The following GPLD1 variants were observed in gnomAD, a reference collection of about 807,000 sequenced individuals.
GPLD1 encodes the protein phosphatidylinositol-glycan-specific phospholipase D.
Under a neutral mutation model 112.6 loss-of-function variants are expected in GPLD1, and 84 were observed. The observed-to-expected ratio is 0.75, with a 90% CI of 0.63 to 0.89. The LOEUF (loss-of-function observed/expected upper bound fraction) is 0.89. GPLD1 is among the 40% of genes least tolerant of loss of function. GPLD1 has a pLI of 0.00. For missense variants in GPLD1, 1,044 were observed against 1,051.5 expected, an observed-to-expected ratio of 0.99 and a Z score of 0.10; for synonymous variants, 386 against 403.8, an observed-to-expected ratio of 0.96 and a Z score of 0.53.
intron 3 of GPLD1, among the ~76,000 whole-genome samples, chr6:24,478,811 C>T (rs142301031): frequency 5.1e-4 from 78 of 152,244 alleles, no homozygotes; most frequent in African/African-American, 1.7e-3. Flanking sequence ...CTATCTTTTG[C>T]AATTCCTCGC....
intron 20 of GPLD1, among the ~76,000 whole-genome samples, chr6:24,441,565 T>C (rs555186892): frequency 3.0e-4 from 45 of 152,268 alleles, no homozygotes; most frequent in African/African-American, 1.0e-3. Flanking sequence ...CAGGGATGGT[T>C]GTGATAAAAA....
chr6:24,452,267 G>A (rs762950133), intron 14 of GPLD1, among the ~76,000 whole-genome samples: 130 of 152,116 alleles, frequency 8.5e-4, no homozygotes, highest in Non-Finnish European at 1.6e-3. Context: ...ACAGTCTGTC[G>A]GGGAAAGGCT....
intron 20 of GPLD1, among the ~76,000 whole-genome samples, chr6:24,444,024 A>G (rs1472288311): frequency 6.6e-6 from 1 of 152,222 alleles, no homozygotes; most frequent in Non-Finnish European, 1.5e-5. Flanking sequence ...ATTGCAAGAA[A>G]CAACAATCTT....
chr6:24,428,987 T>A lies in GPLD1; in HGVS notation c.*45A>T. ...TCAAAATGCTCACCATGGATGTGAT[T>A]CAGCATGAGAGAGGTGGGCAGAGTG... On this transcript the variant is annotated 3_prime_UTR_variant, in exon 25 of 25. Coordinates refer to ENST00000230036, the MANE Select transcript of GPLD1 (RefSeq NM_001503.4). 1 of 1,323,552 alleles carries A rather than the reference T, an allele frequency of 7.6e-7. No homozygotes were observed. Among genetic ancestry groups the A allele is most frequent in the Admixed American group, 1.7e-5 (1 of 57,364 alleles). The allele number at this position is 1,323,552 out of a possible 1,614,324, so 82.0% of individuals were successfully genotyped here. A position where few individuals can be genotyped will look rare whatever the true frequency, so the allele number is the denominator to read the frequency against.
At chr6:24,445,947 T>G in intron 18 of GPLD1, 116 bp from the exon 19 acceptor site, 1 of 732,076 alleles carries the variant, frequency 1.4e-6, no homozygotes, top group African/African-American at 1.7e-5. Flanking sequence ...CAGCAGGCTC[T>G]GTCTCTGCGA....
At chr6:24,470,192 G>A (rs1207136048) in intron 7 of GPLD1, among the ~76,000 whole-genome samples, 1 of 152,028 alleles carries the variant, frequency 6.6e-6, no homozygotes, top group African/African-American at 2.4e-5. Context: ...CTGGAGCGCA[G>A]TGGCATGATC....
rs1045445950 is a variant in GPLD1, at chr6:24,495,129, C to A, written n.77G>T. ...GCCTGCGCCCGGCCCGGCCCAGCTC[C>A]GCTGCTACGCTGGGCGCCTGGCGGG... On this transcript the variant is annotated non_coding_transcript_exon_variant, in exon 1 of 11. Transcript: ENST00000474784. 1.5e-5 allele frequency: 21 copies of A among 1,388,378 alleles called. No homozygotes were observed. The African/African-American group carries it at 3.2e-4, about 21-fold the overall frequency. 86.0% of individuals were successfully genotyped at this position (1,388,378 alleles called of 1,614,324 possible). A position where few individuals can be genotyped will look rare whatever the true frequency, so the allele number is the denominator to read the frequency against.
chr6:24,494,759 C>T (rs1764646595), intron 1 of GPLD1: 2 of 382,520 alleles, frequency 5.2e-6, no homozygotes, highest in Non-Finnish European at 8.9e-6. Flanking sequence ...GGGAGAAGGT[C>T]GCGCCAGGAG....
chr6:24,469,935 TA>T (rs1022084942), intron 7 of GPLD1, among the ~76,000 whole-genome samples: 2 of 151,982 alleles, frequency 1.3e-5, no homozygotes, highest in African/African-American at 4.8e-5. Flanking sequence ...AAAAATAGCT[TA>T]AAAAGTCAGA....
Position 24,466,988 on chromosome 6 carries a change from G to A in GPLD1, c.654-49C>T, listed in dbSNP as rs191789114. On this transcript the variant is annotated intron_variant, in intron 8 of 24. Transcript: ENST00000230036. ...GCTGTGAGTTGCAGTTTGTAACAGA[G>A]AAATGAAGCAAATAATGAAGAAAAA... 1.2e-4 allele frequency: 180 copies of A among 1,500,724 alleles called. 2 individuals are homozygous for A. In the Admixed American group the frequency reaches 2.7e-3, roughly 23 times the overall value. 93.0% of individuals were successfully genotyped at this position (1,500,724 alleles called of 1,614,324 possible). A position where few individuals can be genotyped will look rare whatever the true frequency, so the allele number is the denominator to read the frequency against.
chr6:24,466,256 A>G (rs1269554366), intron 10 of GPLD1, among the ~76,000 whole-genome samples: 3 of 152,256 alleles, frequency 2.0e-5, no homozygotes, highest in African/African-American at 7.2e-5. Context: ...CTGAGGCACG[A>G]GACTCCCTTG....
At chr6:24,456,453 T>A (rs1413677283) in intron 13 of GPLD1, 45 bp downstream of exon 13, 5 of 1,273,952 alleles carry the variant, frequency 3.9e-6, no homozygotes, top group Non-Finnish European at 5.6e-6. Flanking sequence ...TGAATAAAAT[T>A]AATACTGAAG....
At chr6:24,463,068 C>T (rs9461016) in intron 10 of GPLD1, among the ~76,000 whole-genome samples, 2,683 of 152,266 alleles carry the variant, frequency 0.018, 66 homozygotes, top group African/African-American at 0.061. Context: ...AGCTGTTCCA[C>T]GCTAACACGA....
At chr6:24,446,349 T>A (rs1265363340) in intron 18 of GPLD1, among the ~76,000 whole-genome samples, 2 of 149,238 alleles carry the variant, frequency 1.3e-5, no homozygotes, top group African/African-American at 2.5e-5. Flanking sequence ...GTTTTTAAAT[T>A]AAAAAAAAAA....
chr6:24,445,333 A>G (rs535807910), intron 20 of GPLD1, among the ~76,000 whole-genome samples: 3 of 152,250 alleles, frequency 2.0e-5, no homozygotes, highest in African/African-American at 4.8e-5. Flanking sequence ...GGCCTGAAAT[A>G]GGTATTTACA....
intron 1 of GPLD1, among the ~76,000 whole-genome samples, chr6:24,488,908 A>C (rs947444763): frequency 1.1e-4 from 16 of 152,094 alleles, no homozygotes; most frequent in Non-Finnish European, 1.8e-4. Flanking sequence ...GTGGATAACT[A>C]AACTCCCTTA....
At chr6:24,434,337 T>G (rs9467144) in intron 22 of GPLD1, among the ~76,000 whole-genome samples, 9,898 of 149,720 alleles carry the variant, frequency 0.066, 751 homozygotes, top group African/African-American at 0.19. Flanking sequence ...GGTGGAGGTT[T>G]TACTGAGCCG....
chr6:24,426,442 C>T lies in GPLD1; in HGVS notation c.*2590G>A, dbSNP rs1581719317. Among the ~76,000 whole-genome samples, 1 of 150,678 alleles carries T rather than the reference C, an allele frequency of 6.6e-6. No individual in the cohort carries two copies. The highest frequency in any genetic ancestry group is 2.1e-4 in the South Asian group (1 of 4,680). On this transcript the variant is annotated 3_prime_UTR_variant, in exon 25 of 25. Coordinates refer to ENST00000230036, the MANE Select transcript of GPLD1 (RefSeq NM_001503.4). ...GGAGTATAATTTACATTGTTTTTGACATTGGGGTTAGTATGGTTAAATGTC... is the reference window on the plus strand; with the variant it reads ...GGAGTATAATTTACATTGTTTTTGATATTGGGGTTAGTATGGTTAAATGTC...
chr6:24,455,743 C>T (rs1043996177), intron 13 of GPLD1, among the ~76,000 whole-genome samples: 4 of 152,194 alleles, frequency 2.6e-5, no homozygotes, highest in Non-Finnish European at 5.9e-5. Context: ...TCTCCAAGAA[C>T]ATCAGAGCTT....
Sources: allele counts gnomAD v4.1 joint callset (sites outside exome capture counted in the v4.1 genomes callset), GRCh38; gene constraint gnomAD v4.1.1; transcripts MANE v1.5; gene names NCBI Gene and HGNC (gene_info 2026-07-23, HGNC 2026-07-21).